Variants in GRID1 observed in about 807,000 individuals in gnomAD.
GRID1 encodes glutamate receptor ionotropic, delta-1.
In GRID1, 28 loss-of-function variants were observed where a neutral mutation model predicts 98.0. The ratio of observed to expected loss-of-function variants is 0.29; its 90% CI spans 0.21 to 0.39. GRID1 has a LOEUF of 0.39. Among genes scored for constraint, GRID1 ranks in the 10% least tolerant of loss-of-function variants. The pLI, the probability that GRID1 is intolerant of heterozygous loss-of-function variation, is 1.00. For missense variants in GRID1, 1,111 were observed against 1,340.5 expected, an observed-to-expected ratio of 0.83 and a Z score of 2.67; for synonymous variants, 553 against 538.5, an observed-to-expected ratio of 1.03 and a Z score of -0.37.
At chr10:86,330,526 C>T (rs886619409) in intron 2 of GRID1, among the ~76,000 whole-genome samples, 11 of 152,202 alleles carry the variant, frequency 7.2e-5, no homozygotes, top group Non-Finnish European at 1.2e-4. Context: ...ATGGTGGATG[C>T]GCCCATTTCC....
intron 2 of GRID1, among the ~76,000 whole-genome samples, chr10:86,293,185 T>A (rs187460162): frequency 2.6e-5 from 4 of 152,310 alleles, no homozygotes; most frequent in African/African-American, 9.6e-5. Context: ...AGCTCCAACC[T>A]TTCCCAGCTT....
At chr10:85,750,806 G>T (rs2132685881) in intron 8 of GRID1, among the ~76,000 whole-genome samples, 1 of 152,102 alleles carries the variant, frequency 6.6e-6, no homozygotes, top group Non-Finnish European at 1.5e-5. Flanking sequence ...GATCATCAGA[G>T]AACTAAACAT....
chr10:86,351,301 T>C (rs1589458925), intron 2 of GRID1, among the ~76,000 whole-genome samples: 1 of 152,218 alleles, frequency 6.6e-6, no homozygotes, highest in African/African-American at 2.4e-5. Context: ...CTGAGTCAGG[T>C]ACAGACACAC....
At chr10:86,205,031 T>A (rs955241138) in intron 3 of GRID1, among the ~76,000 whole-genome samples, 187 of 152,202 alleles carry the variant, frequency 1.2e-3, no homozygotes, top group African/African-American at 3.8e-3. Flanking sequence ...CTGGACTGAG[T>A]CCAGTTCAGG....
intron 2 of GRID1, among the ~76,000 whole-genome samples, chr10:86,341,412 T>G (rs1412127221): frequency 6.6e-6 from 1 of 152,004 alleles, no homozygotes; most frequent in East Asian, 1.9e-4. Context: ...CGGGTGCCCC[T>G]CCCTCACACG....
At chr10:86,023,420 G>A (rs911332864) in intron 4 of GRID1, among the ~76,000 whole-genome samples, 10 of 152,026 alleles carry the variant, frequency 6.6e-5, no homozygotes, top group African/African-American at 2.4e-4. Context: ...CTTTCAAAGG[G>A]TGCTCTTGAA....
chr10:85,765,611 G>A (rs1369089822), intron 8 of GRID1, among the ~76,000 whole-genome samples: 1 of 152,190 alleles, frequency 6.6e-6, no homozygotes, highest in Non-Finnish European at 1.5e-5. Flanking sequence ...TTCAGGCCAT[G>A]CATATAAGGT....
At chr10:85,813,830 T>C (rs956732524) in intron 8 of GRID1, among the ~76,000 whole-genome samples, 1 of 151,754 alleles carries the variant, frequency 6.6e-6, no homozygotes, top group African/African-American at 2.4e-5. Context: ...ATATATGACA[T>C]CTATAATGCA....
At chr10:85,654,982 T>G (rs1236296389) in intron 12 of GRID1, among the ~76,000 whole-genome samples, 1 of 152,226 alleles carries the variant, frequency 6.6e-6, no homozygotes, top group Admixed American at 6.5e-5. Context: ...CAAATAACTG[T>G]GGGCCAGGTG....
intron 8 of GRID1, among the ~76,000 whole-genome samples, chr10:85,769,479 C>A (rs906742838): frequency 2.6e-5 from 4 of 152,162 alleles, no homozygotes; most frequent in African/African-American, 7.2e-5. Context: ...GGGTGCAGGA[C>A]AGTGGGTGCA....
chr10:85,630,436 A>G (rs1842962490), intron 13 of GRID1, among the ~76,000 whole-genome samples: 1 of 152,172 alleles, frequency 6.6e-6, no homozygotes, highest in African/African-American at 2.4e-5. Flanking sequence ...TACCAGCATT[A>G]CCTTACAGCT....
chr10:85,816,725 C>A (rs758989679), intron 8 of GRID1, among the ~76,000 whole-genome samples: 1 of 150,904 alleles, frequency 6.6e-6, no homozygotes, highest in Non-Finnish European at 1.5e-5. Context: ...ATTTGAGGTT[C>A]GGGTGTACAT....
rs182901728 is a variant in GRID1, at chr10:86,357,698, G to T, written c.235+6243C>A. ...ACAGGAGTGACTCCAGAATGAAGGAGAACCCTGACACCTGTGAGTTCAGCA... is the reference window on the plus strand; with the variant it reads ...ACAGGAGTGACTCCAGAATGAAGGATAACCCTGACACCTGTGAGTTCAGCA... On this transcript the variant is annotated intron_variant, in intron 2 of 15. Coordinates refer to ENST00000327946, the MANE Select transcript of GRID1 (RefSeq NM_017551.3). 1.2e-3 allele frequency among the ~76,000 whole-genome samples: 182 copies of T among 152,330 alleles called. 1 individual carries two copies. The highest frequency in any genetic ancestry group is 3.9e-3 in the African/African-American group (161 of 41,568).
chr10:85,997,082 TA>T (rs1420713477), intron 4 of GRID1, among the ~76,000 whole-genome samples: 1 of 152,148 alleles, frequency 6.6e-6, no homozygotes, highest in Non-Finnish European at 1.5e-5. Context: ...TTGAGTTCTC[TA>T]AAACATGTGA....
At chr10:86,095,633 G>T (rs1373001008) in intron 4 of GRID1, among the ~76,000 whole-genome samples, 1 of 152,112 alleles carries the variant, frequency 6.6e-6, no homozygotes, top group Non-Finnish European at 1.5e-5. Context: ...AATGATCAAG[G>T]AAATGCAAAT....
intron 8 of GRID1, among the ~76,000 whole-genome samples, chr10:85,750,245 G>A (rs1382967944): frequency 6.6e-6 from 1 of 151,782 alleles, no homozygotes; most frequent in Non-Finnish European, 1.5e-5. Flanking sequence ...ATCATACAGC[G>A]CTCTCCCTCA....
chr10:86,322,994 C>A (rs1847992491), intron 2 of GRID1, among the ~76,000 whole-genome samples: 1 of 151,612 alleles, frequency 6.6e-6, no homozygotes. Context: ...CCTTGGGATG[C>A]CGAGGCAGGA....
At chr10:85,936,358 T>G (rs1195074217) in intron 4 of GRID1, among the ~76,000 whole-genome samples, 1 of 152,260 alleles carries the variant, frequency 6.6e-6, no homozygotes, top group Non-Finnish European at 1.5e-5. Context: ...TCACACTGTT[T>G]ATGCCTTTGG....
intron 8 of GRID1, among the ~76,000 whole-genome samples, chr10:85,787,207 A>G (rs1409638569): frequency 3.3e-5 from 5 of 152,196 alleles, no homozygotes; most frequent in Admixed American, 2.0e-4. Flanking sequence ...TGAATCCAGG[A>G]CAGTCCTGGA....
Sources: gnomAD v4.1 joint callset for allele counts (sites outside exome capture counted in the v4.1 genomes callset) on GRCh38, gnomAD v4.1.1 for gene constraint, MANE v1.5 for transcripts, NCBI Gene and HGNC (gene_info 2026-07-23, HGNC 2026-07-21) for gene names.